CNBD1: variants seen among roughly 807,000 people sequenced by gnomAD.
CNBD1 encodes the protein cyclic nucleotide binding domain containing 1.
Under a neutral mutation model 54.4 loss-of-function variants are expected in CNBD1, and 71 were observed. That is an observed-to-expected ratio of 1.30 (90% confidence interval 1.08 to 1.59). The LOEUF is 1.59. Ranked by LOEUF, CNBD1 falls within the 40% of genes most tolerant of loss-of-function variation. The pLI is 0.00. For synonymous variants in CNBD1, 182 were observed against 170.7 expected, an observed-to-expected ratio of 1.07 and a Z score of -0.51; for missense variants, 659 against 518.0, an observed-to-expected ratio of 1.27 and a Z score of -2.64.
At chr8:87,167,427 T>C (rs1383283577) in intron 4 of CNBD1, among the ~76,000 whole-genome samples, 2 of 151,996 alleles carry the variant, frequency 1.3e-5, no homozygotes, top group African/African-American at 4.8e-5. Flanking sequence ...CTATACATCC[T>C]TCAGTGTATA....
intron 2 of CNBD1, among the ~76,000 whole-genome samples, chr8:87,415,239 C>T (rs1353992947): frequency 3.3e-5 from 5 of 152,022 alleles, no homozygotes; most frequent in African/African-American, 1.2e-4. Context: ...GAGAGCATAT[C>T]AATTACTGGT....
At chr8:87,259,816 G>A (rs897178731) in intron 6 of CNBD1, among the ~76,000 whole-genome samples, 19 of 152,206 alleles carry the variant, frequency 1.2e-4, no homozygotes, top group East Asian at 1.9e-4. Context: ...TTGAATAACC[G>A]CTTTTAATTA....
At chr8:87,215,719 A>G (rs1348631350) in intron 5 of CNBD1, among the ~76,000 whole-genome samples, 1 of 152,220 alleles carries the variant, frequency 6.6e-6, no homozygotes, top group East Asian at 1.9e-4. Context: ...GGTGAATTTC[A>G]TTGAATTGTA....
chr8:87,336,098 A>T (rs984067291), intron 8 of CNBD1, among the ~76,000 whole-genome samples: 2 of 152,096 alleles, frequency 1.3e-5, no homozygotes, highest in Non-Finnish European at 2.9e-5. Flanking sequence ...TTTGTAGGTG[A>T]CCTGACCTTT....
intron 3 of CNBD1, among the ~76,000 whole-genome samples, chr8:86,918,722 T>C (rs1809225335): frequency 6.6e-6 from 1 of 151,916 alleles, no homozygotes; most frequent in Non-Finnish European, 1.5e-5. Context: ...AATCTCTTTT[T>C]ATTTATAAAT....
chr8:87,176,410 T>G (rs1193709819), intron 4 of CNBD1, among the ~76,000 whole-genome samples: 3 of 152,228 alleles, frequency 2.0e-5, no homozygotes, highest in Non-Finnish European at 4.4e-5. Flanking sequence ...ATGTCAGTTG[T>G]TAACTCAGAA....
intron 2 of CNBD1, among the ~76,000 whole-genome samples, chr8:87,401,783 A>G (rs1474525204): frequency 6.6e-6 from 1 of 152,076 alleles, no homozygotes; most frequent in Non-Finnish European, 1.5e-5. Context: ...CTATACATAA[A>G]TATTGAGTTC....
At chr8:86,912,918 G>T (rs1207993347) in intron 3 of CNBD1, among the ~76,000 whole-genome samples, 1 of 151,578 alleles carries the variant, frequency 6.6e-6, no homozygotes, top group Non-Finnish European at 1.5e-5. Flanking sequence ...TTGTGTATGT[G>T]TAACAACAAC....
At chr8:87,369,130 A>G (rs1443951558) in intron 10 of CNBD1, among the ~76,000 whole-genome samples, 1 of 152,050 alleles carries the variant, frequency 6.6e-6, no homozygotes, top group African/African-American at 2.4e-5. Flanking sequence ...ATAATTGTAT[A>G]AATTTTGGCT....
chr8:87,303,666 C>T (rs1809073038), intron 8 of CNBD1, among the ~76,000 whole-genome samples: 1 of 150,840 alleles, frequency 6.6e-6, no homozygotes, highest in African/African-American at 2.5e-5. Flanking sequence ...AGCTTCTGCA[C>T]AGCAAAAGAA....
At chr8:86,970,553 C>A (rs931084571) in intron 4 of CNBD1, among the ~76,000 whole-genome samples, 1 of 151,240 alleles carries the variant, frequency 6.6e-6, no homozygotes, top group Admixed American at 6.6e-5. Context: ...TGATCTGTCA[C>A]CCAGTTTTAC....
chr8:87,301,898 T>C (rs1809004696), intron 8 of CNBD1, among the ~76,000 whole-genome samples: 1 of 152,152 alleles, frequency 6.6e-6, no homozygotes, highest in African/African-American at 2.4e-5. Context: ...AAGAAATGGA[T>C]AAATTCCTCG....
intron 5 of CNBD1, among the ~76,000 whole-genome samples, chr8:87,227,780 A>G (rs1335682761): frequency 9.3e-5 from 14 of 150,076 alleles, no homozygotes; most frequent in East Asian, 3.9e-4. Flanking sequence ...GAATCTGAAC[A>G]TTGGCCTGCC....
At chr8:87,427,238 A>T (rs922788999) in intron 2 of CNBD1, among the ~76,000 whole-genome samples, 1 of 152,034 alleles carries the variant, frequency 6.6e-6, no homozygotes, top group Non-Finnish European at 1.5e-5. Context: ...CATCTTTTGT[A>T]TGTTAGTTGG....
intron 6 of CNBD1, among the ~76,000 whole-genome samples, chr8:87,283,709 C>T (rs968412340): frequency 9.9e-5 from 15 of 152,082 alleles, no homozygotes; most frequent in Non-Finnish European, 2.9e-5. Flanking sequence ...CCCCACTTCA[C>T]AACTGGGGCA....
chr8:86,896,681 T>TA (rs574733055), intron 2 of CNBD1, among the ~76,000 whole-genome samples: 1 of 152,170 alleles, frequency 6.6e-6, no homozygotes, highest in African/African-American at 2.4e-5. Flanking sequence ...CTTCATTAGT[T>TA]AAAAAATCAT....
intron 4 of CNBD1, among the ~76,000 whole-genome samples, chr8:87,204,973 G>A (rs1017448680): frequency 4.9e-5 from 7 of 144,112 alleles, no homozygotes; most frequent in Non-Finnish European, 9.1e-5. Context: ...TTTTTTTTTT[G>A]CTACAACCCA....
chr8:87,394,896 A>T (rs1448369441), intron 2 of CNBD1, among the ~76,000 whole-genome samples: 1 of 151,804 alleles, frequency 6.6e-6, no homozygotes, highest in African/African-American at 2.4e-5. Context: ...GTTACTACCA[A>T]AATAAAGCAA....
intron 4 of CNBD1, among the ~76,000 whole-genome samples, chr8:87,028,208 A>G (rs991546993): frequency 6.6e-6 from 1 of 152,188 alleles, no homozygotes; most frequent in Non-Finnish European, 1.5e-5. Context: ...CTGGGCCCAC[A>G]AAGGACACAC....
Sources: gnomAD v4.1 joint callset for allele counts (sites outside exome capture counted in the v4.1 genomes callset) on GRCh38, gnomAD v4.1.1 for gene constraint, MANE v1.5 for transcripts, NCBI Gene and HGNC (gene_info 2026-07-23, HGNC 2026-07-21) for gene names.